CUBN: variants seen among roughly 807,000 people sequenced by gnomAD.
CUBN encodes 460 kDa receptor.
CUBN carries 282 observed loss-of-function variants against 405.3 expected under a neutral mutation model. The observed-to-expected ratio is 0.70, with a 90% CI of 0.63 to 0.77. CUBN has a LOEUF of 0.77. Among genes scored for constraint, CUBN ranks in the 30% least tolerant of loss-of-function variants. CUBN has a pLI of 0.00. For missense variants in CUBN, 4,514 were observed against 4,475.2 expected, an observed-to-expected ratio of 1.01 and a Z score of -0.25; for synonymous variants, 1,684 against 1,617.0, an observed-to-expected ratio of 1.04 and a Z score of -0.99.
intron 39 of CUBN, among the ~76,000 whole-genome samples, chr10:16,933,545 GCTGA>G (rs1441611035): frequency 6.6e-6 from 1 of 152,142 alleles, no homozygotes; most frequent in Non-Finnish European, 1.5e-5. Flanking sequence ...AATATCAAGT[GCTGA>G]CTATTTAGGC....
chr10:16,914,623 A>G (rs1265761461), intron 47 of CUBN, among the ~76,000 whole-genome samples: 6 of 151,520 alleles, frequency 4.0e-5, no homozygotes, highest in Non-Finnish European at 7.4e-5. Context: ...TGTAACCCCA[A>G]CACTTTGGGA....
chr10:16,926,670 T>A (rs1456641791), intron 41 of CUBN, among the ~76,000 whole-genome samples: 4 of 152,090 alleles, frequency 2.6e-5, no homozygotes, highest in African/African-American at 9.7e-5. Flanking sequence ...AAGTCAAAAA[T>A]AACATCAAGA....
At chr10:16,874,251 C>T (rs1840439486) in intron 58 of CUBN, 123 bp downstream of exon 58, 2 of 1,032,674 alleles carry the variant, frequency 1.9e-6, no homozygotes, top group Non-Finnish European at 1.5e-6. Context: ...GAACATCACT[C>T]CTCTGTGTAG....
At chr10:16,931,038 C>G (rs998618742) in intron 40 of CUBN, among the ~76,000 whole-genome samples, 1 of 151,402 alleles carries the variant, frequency 6.6e-6, no homozygotes, top group South Asian at 2.1e-4. Flanking sequence ...GGGCAGATCA[C>G]GAGGTCAGGA....
chr10:16,926,260 G>A (rs1246469618), intron 41 of CUBN, among the ~76,000 whole-genome samples: 1 of 152,182 alleles, frequency 6.6e-6, no homozygotes, highest in Non-Finnish European at 1.5e-5. Flanking sequence ...ACAGTGTAAA[G>A]GCTTGATGTG....
At chr10:17,001,507 G>A (rs534862925) in intron 28 of CUBN, among the ~76,000 whole-genome samples, 184 of 152,320 alleles carry the variant, frequency 1.2e-3, no homozygotes, top group Non-Finnish European at 1.9e-3. Flanking sequence ...GCCGACTGGC[G>A]CATTTACAAT....
At chr10:16,964,994 C>T (rs1191203971) in intron 31 of CUBN, among the ~76,000 whole-genome samples, 1 of 152,264 alleles carries the variant, frequency 6.6e-6, no homozygotes, top group Non-Finnish European at 1.5e-5. Flanking sequence ...TTCTCCCTTA[C>T]CTACATTTCT....
At chr10:17,066,910 G>A (rs1835623086) in intron 21 of CUBN, among the ~76,000 whole-genome samples, 4 of 152,064 alleles carry the variant, frequency 2.6e-5, no homozygotes, top group Admixed American at 2.6e-4. Flanking sequence ...ATAAAACAAT[G>A]GCTCTCAAAA....
chr10:16,869,022 C>G (rs1201721811), intron 59 of CUBN, among the ~76,000 whole-genome samples: 2 of 152,162 alleles, frequency 1.3e-5, no homozygotes, highest in Non-Finnish European at 2.9e-5. Context: ...TTCCGTCTCT[C>G]AGATTTCTGC....
chr10:17,075,073 C>CTT lies in CUBN; in HGVS notation c.2302-3104_2302-3103dup, dbSNP rs957929670. 4.7e-3 allele frequency among the ~76,000 whole-genome samples: 308 copies of CTT among 65,310 alleles called. 10 individuals are homozygous for CTT. Among genetic ancestry groups the CTT allele is most frequent in the African/African-American group, 0.011 (179 of 15,718 alleles). The allele number at this position is 65,310 out of a possible 152,430, so 42.8% of individuals were successfully genotyped here. ...TAAAGAGAAGATTTTTCTTTGTTTT[C>CTT]TTTTTTTTTTTTTTTTTTTTTTTTT... is the stretch of plus-strand genomic sequence containing the variant. On this transcript the variant is annotated intron_variant, in intron 17 of 66. Transcript: ENST00000377833.
chr10:16,858,355 CTGT>C (rs943052133), intron 59 of CUBN, among the ~76,000 whole-genome samples: 1 of 152,138 alleles, frequency 6.6e-6, no homozygotes, highest in African/African-American at 2.4e-5. Context: ...GAGGCTTGCT[CTGT>C]CACCCAGACT....
intron 10 of CUBN, among the ~76,000 whole-genome samples, chr10:17,109,167 T>C (rs552720678): frequency 7.2e-5 from 11 of 152,364 alleles, no homozygotes; most frequent in Middle Eastern, 3.4e-3. Context: ...TAAACCCTTC[T>C]ATGCAGCATT....
rs374224089 is a variant in CUBN at position 16,840,905 on chromosome 10, G to A, written c.9806C>T (p.Ala3269Val). 4 of 1,611,732 alleles carry A rather than the reference G, an allele frequency of 2.5e-6. No homozygotes were observed. Among genetic ancestry groups the A allele is most frequent in the African/African-American group, 2.7e-5 (2 of 74,836 alleles). Residue 3269 changes from alanine to valine, a missense_variant, in exon 61 of 67, where the codon GCT becomes GTT. Ala to Val is a moderately conservative substitution (Grantham distance 64). Around this residue, in one of 5 missense-constraint regions of CUBN, gnomAD observed 1,186 missense variants for 1,186.9 expected, o/e 1.00. Coordinates refer to ENST00000377833, the MANE Select transcript of CUBN (RefSeq NM_001081.4). ...CTCACTGTCCATGATGGTGTATGTA[G>A]CATTAAATCCTTCCCTCTCTAATGT... ...DLTLEREGFN[A>V]TYTIMDMPCG...
chr10:16,879,961 A>G (rs1305403104), intron 56 of CUBN, among the ~76,000 whole-genome samples: 2 of 152,172 alleles, frequency 1.3e-5, no homozygotes, highest in Admixed American at 1.3e-4. Flanking sequence ...CCACTGTGAG[A>G]GCAGCACCCC....
At chr10:17,071,675 C>G in intron 18 of CUBN, 71 bp from the exon 19 acceptor site, 1 of 1,517,588 alleles carries the variant, frequency 6.6e-7, no homozygotes. Flanking sequence ...ATTGCAAAAT[C>G]TAATACTGCC....
chr10:16,953,860 A>G (rs1842980926), intron 32 of CUBN, among the ~76,000 whole-genome samples: 1 of 146,198 alleles, frequency 6.8e-6, no homozygotes. Flanking sequence ...AAAGAAAGGG[A>G]AGGGGAGGGA....
chr10:16,928,289 C>T lies in CUBN; in HGVS notation c.6139G>A (p.Ala2047Thr), dbSNP rs1423076005. The stretch of plus-strand genomic sequence containing the variant: ...CCACAGAGAACTGCTAGCTGCTGGG[C>T]CAAGTTATTATCTCCTACGTTGAAA... ...LVIRDGDNNL[A>T]QQLAVLCGRE... The change falls in exon 41 of 67, where the codon GCC (alanine) becomes ACC (threonine). Residue 2047 changes from alanine (A) to threonine (T), a missense_variant. Around this residue, in one of 5 missense-constraint regions of CUBN, gnomAD observed 1,613 missense variants for 1,542.8 expected, o/e 1.05. Transcript: ENST00000377833. 1 of 1,613,746 alleles carries T rather than the reference C, an allele frequency of 6.2e-7. No individual in the cohort carries two copies. The highest frequency in any genetic ancestry group is 8.5e-7 in the Non-Finnish European group (1 of 1,179,852).
chr10:17,105,597 C>T (rs376131519), intron 10 of CUBN, 22 bp from the exon 11 acceptor site: 105 of 1,319,286 alleles, frequency 8.0e-5, no homozygotes, highest in Middle Eastern at 7.2e-4. Flanking sequence ...TAAAAACAAA[C>T]GTGTAAATAC....
intron 50 of CUBN, among the ~76,000 whole-genome samples, chr10:16,905,798 T>C (rs574482066): frequency 1.2e-3 from 187 of 152,216 alleles, no homozygotes; most frequent in Admixed American, 3.5e-3. Context: ...CCCTTCATTG[T>C]TAGTAGTCTC....
Sources: allele counts gnomAD v4.1 joint callset (sites outside exome capture counted in the v4.1 genomes callset), GRCh38; gene constraint gnomAD v4.1.1; regional missense constraint gnomAD v4.1.1; transcripts MANE v1.5; gene names NCBI Gene and HGNC (gene_info 2026-07-23, HGNC 2026-07-21).